Variants in BLTP3A observed in about 807,000 individuals in gnomAD.
BLTP3A encodes the protein bridge-like lipid transfer protein family member 3A.
the BLTP3A span, chr6:34,792,285 A>G: frequency 6.5e-7 from 1 of 1,543,778 alleles, no homozygotes; most frequent in East Asian, 2.5e-5. Flanking sequence ...ATCCTGAAAC[A>G]CCTGTCCCGG....
At chr6:34,808,270 T>A in the BLTP3A span, among the ~76,000 whole-genome samples, 2 of 132,720 alleles carry the variant, frequency 1.5e-5, no homozygotes, top group African/African-American at 3.0e-5. Flanking sequence ...CCCTTGAATC[T>A]GGGAGGCGGA....
chr6:34,796,164 T>G, the BLTP3A span, among the ~76,000 whole-genome samples: 1 of 152,356 alleles, frequency 6.6e-6, no homozygotes. Flanking sequence ...AATTACTTGT[T>G]GCTGATGATG....
chr6:34,817,619 G>A, the BLTP3A span, among the ~76,000 whole-genome samples: 1 of 152,156 alleles, frequency 6.6e-6, no homozygotes, highest in East Asian at 1.9e-4. Context: ...CTGTGGGAGT[G>A]ACATGAATGG....
At chr6:34,861,315 G>A in the BLTP3A span, among the ~76,000 whole-genome samples, 1 of 152,044 alleles carries the variant, frequency 6.6e-6, no homozygotes, top group African/African-American at 2.4e-5. Flanking sequence ...TGGTAGAGAT[G>A]GGGTTTTGCC....
At chr6:34,857,198 A>G in the BLTP3A span, 7 of 1,175,178 alleles carry the variant, frequency 6.0e-6, no homozygotes, top group Non-Finnish European at 7.1e-6. Context: ...CACCTGGAAT[A>G]TATGTGAAAG....
At chr6:34,841,004 TTTG>T in the BLTP3A span, among the ~76,000 whole-genome samples, 1 of 152,134 alleles carries the variant, frequency 6.6e-6, no homozygotes, top group African/African-American at 2.4e-5. Context: ...TTGCTTTTGT[TTTG>T]TTTTGTTTTA....
chr6:34,812,788 C>T, the BLTP3A span, among the ~76,000 whole-genome samples: 9 of 152,140 alleles, frequency 5.9e-5, no homozygotes, highest in African/African-American at 1.7e-4. Context: ...CCTATTAGGA[C>T]AAACCTCTAA....
At chr6:34,805,722 C>G in the BLTP3A span, among the ~76,000 whole-genome samples, 1 of 100,566 alleles carries the variant, frequency 9.9e-6, no homozygotes, top group Non-Finnish European at 1.8e-5. Flanking sequence ...GGTGATATAG[C>G]AAGACCCTAT....
the BLTP3A span, among the ~76,000 whole-genome samples, chr6:34,839,991 T>C: frequency 1.3e-5 from 2 of 152,374 alleles, no homozygotes; most frequent in Admixed American, 6.5e-5. Context: ...GCAGGGCAGT[T>C]ACACCTTTTA....
the BLTP3A span, among the ~76,000 whole-genome samples, chr6:34,823,889 T>C: frequency 6.6e-6 from 1 of 152,140 alleles, no homozygotes; most frequent in African/African-American, 2.4e-5. Flanking sequence ...TGTATGTGCA[T>C]GTGGACACTA....
the BLTP3A span, chr6:34,858,052 A>T: frequency 1.3e-6 from 2 of 1,567,054 alleles, no homozygotes; most frequent in African/African-American, 2.7e-5. Context: ...GATCTTTTAC[A>T]TGTGTATTAA....
chr6:34,801,087 C>T, the BLTP3A span, among the ~76,000 whole-genome samples: 1 of 152,154 alleles, frequency 6.6e-6, no homozygotes, highest in Non-Finnish European at 1.5e-5. Context: ...GTTTCATTTG[C>T]CTACACAGCA....
chr6:34,792,179 C>G, the BLTP3A span: 1 of 1,395,476 alleles, frequency 7.2e-7, no homozygotes, highest in African/African-American at 1.5e-5. Flanking sequence ...GTGAGGGGAC[C>G]GCCTCTTCTC....
At chr6:34,862,430 G>T in the BLTP3A span, among the ~76,000 whole-genome samples, 10 of 151,998 alleles carry the variant, frequency 6.6e-5, no homozygotes, top group Non-Finnish European at 1.5e-4. Context: ...AAATTATTAG[G>T]TCAAATGCTA....
the BLTP3A span, chr6:34,857,282 G>C: frequency 6.2e-7 from 1 of 1,609,526 alleles, no homozygotes. Context: ...ATGGAGGGCT[G>C]CTCTAAGTTT....
At chr6:34,816,886 T>C in the BLTP3A span, among the ~76,000 whole-genome samples, 1 of 152,232 alleles carries the variant, frequency 6.6e-6, no homozygotes, top group Non-Finnish European at 1.5e-5. Flanking sequence ...GTAGTACTTC[T>C]GAACTATGCC....
chr6:34,806,817 G>A, the BLTP3A span, among the ~76,000 whole-genome samples: 2 of 152,018 alleles, frequency 1.3e-5, no homozygotes, highest in South Asian at 2.1e-4. Flanking sequence ...CTGCCACCAC[G>A]CCCGGCTAAT....
the BLTP3A span, among the ~76,000 whole-genome samples, chr6:34,833,920 C>CAAAA: frequency 3.3e-4 from 15 of 45,042 alleles, no homozygotes; most frequent in Non-Finnish European, 4.0e-4. Context: ...GACTCCGTCT[C>CAAAA]AAAAAAAAAA....
chr6:34,843,819 T>C, the BLTP3A span, among the ~76,000 whole-genome samples: 6 of 152,234 alleles, frequency 3.9e-5, no homozygotes, highest in Admixed American at 3.3e-4. Flanking sequence ...AGAACTTCCA[T>C]ACTGTTCTCC....
Sources: gnomAD v4.1 joint callset for allele counts (sites outside exome capture counted in the v4.1 genomes callset) on GRCh38, gnomAD v4.1.1 for gene constraint, MANE v1.5 for transcripts, NCBI Gene and HGNC (gene_info 2026-07-23, HGNC 2026-07-21) for gene names.